TPM3: variants seen among roughly 807,000 people sequenced by gnomAD.
The protein encoded by TPM3 is tropomyosin alpha-3 chain.
A neutral mutation model predicts 43.1 loss-of-function variants in TPM3; 16 were observed. That is an observed-to-expected ratio of 0.37 (90% CI 0.25 to 0.56). The LOEUF (loss-of-function observed/expected upper bound fraction) is 0.56. Among genes scored for constraint, TPM3 ranks in the 20% least tolerant of loss-of-function variants. The pLI, the probability that TPM3 is intolerant of heterozygous loss-of-function variation, is 0.77. For synonymous variants in TPM3, 101 were observed against 116.9 expected (o/e 0.86, Z 0.88); for missense variants, 176 against 337.2 (o/e 0.52, Z 3.74).
At chr1:154,183,228 C>T (rs1663182967) in intron 2 of TPM3, 2 of 1,549,976 alleles carry the variant, frequency 1.3e-6, no homozygotes, top group Non-Finnish European at 1.7e-6. Flanking sequence ...TACCGGAACT[C>T]ACCAACCCGC....
chr1:154,166,449 C>G lies in TPM3; in HGVS notation c.*1488G>C, dbSNP rs1660969025. The G allele has an allele frequency of 2.4e-6, 2 of 833,588 alleles. No individual in the cohort carries two copies. Among genetic ancestry groups the G allele is most frequent in the Non-Finnish European group, 3.0e-6 (2 of 670,022 alleles). The allele number at this position is 833,588 out of a possible 1,614,324, so 51.6% of individuals were successfully genotyped here. ...AAATTTAGTGAGGACATCTGACCTG[C>G]ATAGCACACTACAGTGCAGAACTCC... On this transcript the variant is annotated 3_prime_UTR_variant, in exon 10 of 10. Transcript: ENST00000651641.
downstream of TPM3, chr1:154,157,642 C>T (rs754438121): frequency 3.9e-6 from 3 of 778,826 alleles, no homozygotes; most frequent in Admixed American, 1.7e-5. Flanking sequence ...GGGCGTTCTA[C>T]ATCTCATTCA....
At chr1:154,186,728 A>C (rs1246525971) in intron 2 of TPM3, among the ~76,000 whole-genome samples, 1 of 151,758 alleles carries the variant, frequency 6.6e-6, no homozygotes, top group Non-Finnish European at 1.5e-5. Context: ...AAAAATGGTT[A>C]AAATGGTAAG....
chr1:154,183,332 C>G (rs1663199875), intron 2 of TPM3: 2 of 1,455,810 alleles, frequency 1.4e-6, no homozygotes, highest in African/African-American at 1.4e-5. Flanking sequence ...AGTGGATCCT[C>G]CCAGTCGCCC....
downstream of TPM3, chr1:154,158,721 G>A (rs17366292): frequency 0.044 from 21,664 of 495,356 alleles, 593 homozygotes; most frequent in Middle Eastern, 0.054. Context: ...ATTCTCGCAA[G>A]TTTTCTCACT....
rs1186745474 is a variant in TPM3, at chr1:154,176,106, C to A, written c.377+9G>T. The A allele has an allele frequency of 6.2e-7, 1 of 1,613,316 alleles. No individual in the cohort carries two copies. The highest frequency in any genetic ancestry group is 1.1e-5 in the South Asian group (1 of 91,046). The stretch of plus-strand genomic sequence containing the variant: ...TAAAATCCACACTCCATCAGGCTTC[C>A]CTACACACCTCTCACTCTCATCAGC... On this transcript the variant is annotated intron_variant, in intron 3 of 9. Transcript: ENST00000651641.
chr1:154,191,736 G>A (rs952286410), intron 1 of TPM3, 166 bp downstream of exon 1: 1 of 1,572,826 alleles, frequency 6.4e-7, no homozygotes, highest in Non-Finnish European at 8.6e-7. Context: ...AAGGCAGTCT[G>A]AGACAGATAT....
chr1:154,183,182 C>G (rs2148283483), intron 2 of TPM3: 1 of 1,594,844 alleles, frequency 6.3e-7, no homozygotes, highest in Non-Finnish European at 8.5e-7. Flanking sequence ...GTTGCAGCCT[C>G]CTCTCACCCT....
chr1:154,178,575 T>C (rs1466619848), intron 2 of TPM3, among the ~76,000 whole-genome samples: 1 of 152,188 alleles, frequency 6.6e-6, no homozygotes, highest in Admixed American at 6.5e-5. Context: ...CAAGCTGACT[T>C]TTCCCTCATG....
chr1:154,174,366 G>GTGTGTA (rs1553249305), intron 3 of TPM3, among the ~76,000 whole-genome samples: 4 of 14,988 alleles, frequency 2.7e-4, no homozygotes, highest in Admixed American at 1.4e-3. Flanking sequence ...TTAAATATAT[G>GTGTGTA]TGTATATATA....
Position 154,172,973 on chromosome 1 carries a change from A to G in TPM3, c.501T>C (p.Ala167=). 7 of 1,614,144 alleles carry G rather than the reference A, an allele frequency of 4.3e-6. No homozygotes were observed. The highest frequency in any genetic ancestry group is 5.9e-6 in the Non-Finnish European group (7 of 1,180,024). ...CTCCTTCAATGATCACCAACTTACGAGCCACCTACAGGAAAAGATCCCAGT... is the reference window on the plus strand; with the variant it reads ...CTCCTTCAATGATCACCAACTTACGGGCCACCTACAGGAAAAGATCCCAGT... ...EEADRKYEEV[A]RKLVIIEGDL... Residue 167 remains alanine (A), a synonymous_variant, in exon 5 of 10, where the codon GCT becomes GCC. Transcript: ENST00000651641.
chr1:154,159,124 G>T (rs1380768864), downstream of TPM3: 3 of 759,922 alleles, frequency 3.9e-6, no homozygotes, highest in Non-Finnish European at 7.3e-6. Flanking sequence ...AAAAGGGAAA[G>T]TTAGTAGAGT....
intron 2 of TPM3, among the ~76,000 whole-genome samples, chr1:154,184,830 C>G (rs1487972485): frequency 1.3e-5 from 2 of 152,064 alleles, no homozygotes; most frequent in African/African-American, 4.8e-5. Flanking sequence ...GGGAAGATTT[C>G]TTGAGCCGGG....
intron 5 of TPM3, 44 bp from the exon 6 acceptor site, chr1:154,171,532 A>G (rs1257626981): frequency 6.2e-7 from 1 of 1,601,860 alleles, no homozygotes; most frequent in Non-Finnish European, 8.6e-7. Flanking sequence ...AGGGAAAAGG[A>G]AGAGAATAAA....
downstream of TPM3, chr1:154,158,986 G>A (rs1379875522): frequency 1.3e-6 from 1 of 780,660 alleles, no homozygotes; most frequent in Admixed American, 1.7e-5. Flanking sequence ...CACAGATCAT[G>A]CAGCGTTAGC....
rs1441656993 is a variant in TPM3 at position 154,163,241 on chromosome 1, G to T, written c.*4696C>A. Among the ~76,000 whole-genome samples, 1 of 152,180 alleles carries T rather than the reference G, an allele frequency of 6.6e-6. No individual in the cohort carries two copies. Among genetic ancestry groups the T allele is most frequent in the Admixed American group, 6.5e-5 (1 of 15,270 alleles). ...TAGCCAAATTTAAATGAACTACAAT[G>T]AAATACAATTAAATTTTAGCCCCTC... On this transcript the variant is annotated 3_prime_UTR_variant, in exon 10 of 10. Coordinates refer to ENST00000651641, the MANE Select transcript of TPM3 (RefSeq NM_152263.4).
downstream of TPM3, chr1:154,156,787 G>A: frequency 5.0e-6 from 1 of 200,802 alleles, no homozygotes; most frequent in Non-Finnish European, 1.0e-5. Context: ...CCAGAAAAGG[G>A]TAATGAGATG....
At chr1:154,179,533 C>T (rs1571430497) in intron 2 of TPM3, among the ~76,000 whole-genome samples, 1 of 150,318 alleles carries the variant, frequency 6.7e-6, no homozygotes, top group East Asian at 1.9e-4. Flanking sequence ...TTTGTTATTA[C>T]TTTTTTTTTT....
At chr1:154,168,637 T>C (rs1265500640) in intron 9 of TPM3, among the ~76,000 whole-genome samples, 1 of 152,120 alleles carries the variant, frequency 6.6e-6, no homozygotes, top group Non-Finnish European at 1.5e-5. Context: ...TTCTCCTGCC[T>C]TAGCCTCCCG....
Sources: gnomAD v4.1 joint callset for allele counts (sites outside exome capture counted in the v4.1 genomes callset) on GRCh38, gnomAD v4.1.1 for gene constraint, MANE v1.5 for transcripts, NCBI Gene and HGNC (gene_info 2026-07-23, HGNC 2026-07-21) for gene names.